The following PHTF2 variants were observed in gnomAD, a reference collection of about 807,000 sequenced individuals.
The protein encoded by PHTF2 is putative homeodomain transcription factor 2.
In PHTF2, 60 loss-of-function variants were observed where a neutral mutation model predicts 101.2. The observed-to-expected ratio is 0.59, with a 90% confidence interval of 0.48 to 0.73. The LOEUF is 0.73. PHTF2 is among the 30% of genes least tolerant of loss of function. The pLI is 0.00. For missense variants in PHTF2, 747 were observed against 908.7 expected (o/e 0.82, Z 2.29); for synonymous variants, 311 against 307.3 (o/e 1.01, Z -0.13).
At chr7:77,815,899 ATCT>A (rs928969762) in intron 1 of PHTF2, among the ~76,000 whole-genome samples, 43 of 152,198 alleles carry the variant, frequency 2.8e-4, no homozygotes, top group African/African-American at 1.0e-3. Flanking sequence ...CAAGTCACAT[ATCT>A]TCTTTCAAGC....
chr7:77,925,412 A>G (rs181392357), intron 11 of PHTF2, among the ~76,000 whole-genome samples: 2 of 147,512 alleles, frequency 1.4e-5, no homozygotes, highest in Admixed American at 1.4e-4. Flanking sequence ...GGTAATTTTT[A>G]GTGATATTCA....
intron 3 of PHTF2, among the ~76,000 whole-genome samples, chr7:77,855,997 T>G (rs921189022): frequency 1.3e-5 from 2 of 152,230 alleles, no homozygotes; most frequent in African/African-American, 2.4e-5. Flanking sequence ...TTGTGTAGTT[T>G]GTTCAATTTG....
intron 18 of PHTF2, among the ~76,000 whole-genome samples, chr7:77,953,488 A>G (rs1309347875): frequency 6.6e-6 from 1 of 152,218 alleles, no homozygotes; most frequent in Non-Finnish European, 1.5e-5. Flanking sequence ...CTTATATTAA[A>G]AAATGTTCTC....
intron 15 of PHTF2, among the ~76,000 whole-genome samples, chr7:77,941,070 CTTG>C (rs1805601985): frequency 6.6e-6 from 1 of 152,044 alleles, no homozygotes; most frequent in Non-Finnish European, 1.5e-5. Flanking sequence ...AGGATTACTT[CTTG>C]TTATTGCATT....
intron 8 of PHTF2, 70 bp from the exon 8 acceptor site, chr7:77,910,175 A>G: frequency 7.6e-7 from 1 of 1,310,162 alleles, no homozygotes; most frequent in Non-Finnish European, 1.0e-6. Flanking sequence ...CAAAATTTTG[A>G]TTGTACTACT....
At chr7:77,836,799 C>G (rs1795507562) in intron 1 of PHTF2, among the ~76,000 whole-genome samples, 1 of 151,210 alleles carries the variant, frequency 6.6e-6, no homozygotes, top group Admixed American at 6.6e-5. Context: ...AGGGAAACAT[C>G]ATACACCAGG....
At chr7:77,924,157 C>T in intron 11 of PHTF2, 1 of 950,562 alleles carries the variant, frequency 1.1e-6, no homozygotes, top group Non-Finnish European at 1.3e-6. Flanking sequence ...ATAAAGCCTC[C>T]TTTGAATAAA....
intron 5 of PHTF2, among the ~76,000 whole-genome samples, chr7:77,896,979 C>T (rs986245702): frequency 3.3e-5 from 5 of 152,020 alleles, no homozygotes; most frequent in African/African-American, 4.8e-5. Context: ...TTGTAAGTTG[C>T]GAATTATTTT....
chr7:77,798,789 C>G (rs1031342105), upstream of PHTF2: 2 of 152,314 alleles, frequency 1.3e-5, no homozygotes, highest in Non-Finnish European at 2.9e-5. Flanking sequence ...CCTGCCCGCG[C>G]GCAGTGACTG....
chr7:77,840,044 A>G, intron 1 of PHTF2, 177 bp from the exon 2 acceptor site: 1 of 392,088 alleles, frequency 2.6e-6, no homozygotes, highest in Admixed American at 4.5e-5. Flanking sequence ...GTGGCAACTG[A>G]TTTTTGTTTA....
At chr7:77,893,793 G>A (rs921742801) in intron 4 of PHTF2, 129 bp downstream of exon 3, 1 of 616,806 alleles carries the variant, frequency 1.6e-6, no homozygotes, top group South Asian at 2.3e-5. Flanking sequence ...TTTAAAGAAA[G>A]AAGTAAACTT....
intron 3 of PHTF2, chr7:77,854,947 A>AG: frequency 1.6e-6 from 1 of 613,248 alleles, no homozygotes; most frequent in Non-Finnish European, 3.0e-6. Flanking sequence ...GGAACCCAGG[A>AG]GCCTGCCTGG....
chr7:77,861,980 C>T (rs143041640), intron 3 of PHTF2, among the ~76,000 whole-genome samples: 2,033 of 151,612 alleles, frequency 0.013, 50 homozygotes, highest in African/African-American at 0.046. Flanking sequence ...TCGCTTGAAC[C>T]TGGAAAGCGG....
intron 3 of PHTF2, among the ~76,000 whole-genome samples, chr7:77,888,099 A>G (rs1015806420): frequency 3.3e-5 from 5 of 152,224 alleles, no homozygotes; most frequent in Middle Eastern, 3.4e-3. Flanking sequence ...ATTTGAGTAT[A>G]TATCCTTTCA....
At chr7:77,824,183 A>G (rs892800180) in intron 1 of PHTF2, among the ~76,000 whole-genome samples, 1 of 151,918 alleles carries the variant, frequency 6.6e-6, no homozygotes, top group African/African-American at 2.4e-5. Context: ...AACAAGAAAG[A>G]TTCTAGGGTT....
At chr7:77,899,315 G>C (rs1315230513) in intron 5 of PHTF2, among the ~76,000 whole-genome samples, 1 of 151,834 alleles carries the variant, frequency 6.6e-6, no homozygotes, top group Non-Finnish European at 1.5e-5. Context: ...GCATCACCTT[G>C]TTCGACCTCA....
chr7:77,810,505 T>C (rs1793351426), intron 1 of PHTF2, among the ~76,000 whole-genome samples: 1 of 152,212 alleles, frequency 6.6e-6, no homozygotes, highest in African/African-American at 2.4e-5. Flanking sequence ...TTTTAAAAAC[T>C]GTTGAGGCTG....
chr7:77,856,599 G>A (rs1797204590), intron 3 of PHTF2, among the ~76,000 whole-genome samples: 1 of 151,974 alleles, frequency 6.6e-6, no homozygotes, highest in Admixed American at 6.6e-5. Context: ...CGAAGTCCTG[G>A]GATTACAGGT....
chr7:77,956,436 T>C (rs1023945514), exon 20 of PHTF2: 2 of 152,598 alleles, frequency 1.3e-5, no homozygotes, highest in Non-Finnish European at 2.9e-5. Flanking sequence ...AGTATGTTTT[T>C]TCTTTCTATG....
Sources: gnomAD v4.1 joint callset for allele counts (sites outside exome capture counted in the v4.1 genomes callset) on GRCh38, gnomAD v4.1.1 for gene constraint, MANE v1.5 for transcripts, NCBI Gene and HGNC (gene_info 2026-07-23, HGNC 2026-07-21) for gene names.